The following XDH variants were observed in gnomAD, a reference collection of about 807,000 sequenced individuals.
XDH encodes the protein xanthine dehydrogenase, also known as xanthine dehydrogenase/oxidase.
A neutral mutation model predicts 156.1 loss-of-function variants in XDH; 138 were observed. The observed-to-expected ratio is 0.88, with a 90% CI of 0.77 to 1.02. The LOEUF (loss-of-function observed/expected upper bound fraction) is 1.02. Among genes scored for constraint, XDH ranks in the 50% least tolerant of loss-of-function variants. The pLI, the probability that XDH is intolerant of heterozygous loss-of-function variation, is 0.00. For missense variants in XDH, 1,849 were observed against 1,684.9 expected (o/e 1.10, Z -1.71); for synonymous variants, 669 against 625.7 (o/e 1.07, Z -1.03).
chr2:31,375,007 CTTTCTTTCTTTCTTTCTTT>C (rs1356477929), intron 15 of XDH, among the ~76,000 whole-genome samples: 2 of 108,950 alleles, frequency 1.8e-5, no homozygotes, highest in African/African-American at 9.9e-5. Context: ...TTCTTTCTTT[CTTTCTTTCTTTCTTTCTTT>C]TTTTTTTTTT....
chr2:31,349,788 A>C lies in XDH; in HGVS notation c.2867T>G (p.Phe956Cys). 6.2e-7 allele frequency: 1 copy of C among 1,614,112 alleles called. No homozygotes were observed. Among genetic ancestry groups the C allele is most frequent in the Non-Finnish European group, 8.5e-7 (1 of 1,180,026 alleles). Residue 956 changes from phenylalanine to cysteine, a missense_variant, in exon 26 of 36, where the codon TTC (phenylalanine) becomes TGC (cysteine). Coordinates refer to ENST00000379416, the MANE Select transcript of XDH (RefSeq NM_000379.4). ...GGTGAAACCCTCAAGCTTCTGGTTG[A>C]AGTGTGTCAGGTCCCCTTCTTTGTA... ...NLYKEGDLTHFNQKLEGFTLP... is the reference protein window; with the variant it reads ...NLYKEGDLTHCNQKLEGFTLP...
chr2:31,341,313 T>C lies in XDH; in HGVS notation c.3585+16A>G. Reference sequence around the variant, plus strand: ...GTGGCCAAGTCTGTCACCACCCTGGTCCCACTGAGCCTCACCTGTCCAATA... The same window carrying C: ...GTGGCCAAGTCTGTCACCACCCTGGCCCCACTGAGCCTCACCTGTCCAATA... On this transcript the variant is annotated intron_variant, in intron 33 of 35. Transcript: ENST00000379416. 6.4e-7 allele frequency: 1 copy of C among 1,561,846 alleles called. No homozygotes were observed. The highest frequency in any genetic ancestry group is 8.7e-7 in the Non-Finnish European group (1 of 1,151,084).
chr2:31,364,877 A>C (rs1018814360), intron 23 of XDH, among the ~76,000 whole-genome samples: 3 of 152,190 alleles, frequency 2.0e-5, no homozygotes, highest in Non-Finnish European at 4.4e-5. Context: ...ATTCATGGAG[A>C]GAGGGCTCTC....
intron 28 of XDH, among the ~76,000 whole-genome samples, 189 bp from the exon 29 acceptor site, chr2:31,347,839 TAA>T (rs1187642551): frequency 6.6e-6 from 1 of 152,224 alleles, no homozygotes; most frequent in Non-Finnish European, 1.5e-5. Context: ...TTCGGTTGGA[TAA>T]AAAATTCATA....
intron 29 of XDH, 26 bp downstream of exon 29, chr2:31,347,496 T>C: frequency 6.2e-7 from 1 of 1,612,950 alleles, no homozygotes; most frequent in Middle Eastern, 1.9e-4. Context: ...GGCCCTCTGC[T>C]CTGCGGGATC....
At chr2:31,404,865 G>C (rs1687153380) in intron 2 of XDH, among the ~76,000 whole-genome samples, 1 of 152,192 alleles carries the variant, frequency 6.6e-6, no homozygotes, top group African/African-American at 2.4e-5. Flanking sequence ...GAGCAAACCA[G>C]AGTGAAAGCA....
intron 29 of XDH, 96 bp downstream of exon 29, chr2:31,347,426 C>T: frequency 2.5e-6 from 4 of 1,580,290 alleles, no homozygotes; most frequent in Non-Finnish European, 3.5e-6. Context: ...GCCAAAGAGC[C>T]TGCAAGGAAC....
intron 25 of XDH, 25 bp from the exon 26 acceptor site, chr2:31,349,856 G>T (rs1176023142): frequency 2.5e-6 from 4 of 1,613,158 alleles, no homozygotes; most frequent in African/African-American, 1.3e-5. Context: ...AGACACAGAG[G>T]CCTTGTTGGC....
At chr2:31,362,074 CT>C (rs1685794264) in intron 24 of XDH, among the ~76,000 whole-genome samples, 1 of 151,662 alleles carries the variant, frequency 6.6e-6, no homozygotes, top group Non-Finnish European at 1.5e-5. Flanking sequence ...ATATATATAA[CT>C]GATCTTTACA....
chr2:31,366,212 G>A (rs549495323), intron 21 of XDH, 103 bp from the exon 22 acceptor site: 26 of 1,585,756 alleles, frequency 1.6e-5, no homozygotes, highest in African/African-American at 4.0e-5. Flanking sequence ...TTACTGCTGC[G>A]AATTCTGAAA....
chr2:31,367,598 G>T (rs1685953044), intron 20 of XDH, among the ~76,000 whole-genome samples: 1 of 152,174 alleles, frequency 6.6e-6, no homozygotes, highest in South Asian at 2.1e-4. Flanking sequence ...GCTAGTTGAA[G>T]ATGGGTAAGG....
At chr2:31,384,317 C>A in intron 9 of XDH, 1 of 181,672 alleles carries the variant, frequency 5.5e-6, no homozygotes, top group South Asian at 1.2e-4. Flanking sequence ...AAGTTTCTTG[C>A]CCAAATCACA....
intron 30 of XDH, among the ~76,000 whole-genome samples, chr2:31,346,310 T>C (rs1685290801): frequency 6.6e-6 from 1 of 152,174 alleles, no homozygotes; most frequent in Middle Eastern, 3.2e-3. Flanking sequence ...ACAGGAATGA[T>C]AGAAGTCCTT....
At chr2:31,346,126 G>A (rs1685282872) in intron 30 of XDH, among the ~76,000 whole-genome samples, 1 of 152,222 alleles carries the variant, frequency 6.6e-6, no homozygotes, top group South Asian at 2.1e-4. Flanking sequence ...TACTGGGGAA[G>A]GATGCAGAGC....
rs1460427522 is a variant in XDH at position 31,347,482 on chromosome 2, G to C, written c.3276+40C>G. On this transcript the variant is annotated intron_variant, in intron 29 of 35. Transcript: ENST00000379416. Reference sequence around the variant, plus strand: ...GAGACTCTCCAGGCCCACAGCTCTGGGCTGGCCCTCTGCTCTGCGGGATCC... The same window carrying C: ...GAGACTCTCCAGGCCCACAGCTCTGCGCTGGCCCTCTGCTCTGCGGGATCC... 1.9e-6 allele frequency: 3 copies of C among 1,612,442 alleles called. No homozygotes were observed. The South Asian group carries it at 3.3e-5, about 18-fold the overall frequency.
chr2:31,393,243 T>A (rs1453178869), intron 6 of XDH, among the ~76,000 whole-genome samples: 4 of 152,244 alleles, frequency 2.6e-5, no homozygotes, highest in Admixed American at 2.0e-4. Flanking sequence ...AGTCTTCACA[T>A]ATAATAATGG....
At chr2:31,344,571 A>T (rs886553194) in intron 31 of XDH, 113 bp downstream of exon 31, 1 of 1,194,394 alleles carries the variant, frequency 8.4e-7, no homozygotes, top group East Asian at 2.3e-5. Context: ...TTGAAGAGAT[A>T]AGTGGAGCTG....
intron 19 of XDH, 93 bp from the exon 20 acceptor site, chr2:31,368,150 G>A: frequency 8.7e-7 from 1 of 1,151,806 alleles, no homozygotes; most frequent in Non-Finnish European, 1.3e-6. Flanking sequence ...CTGAATTGTT[G>A]ACTCTCTCTT....
chr2:31,386,586 C>G, intron 8 of XDH, 31 bp from the exon 9 acceptor site: 1 of 1,613,928 alleles, frequency 6.2e-7, no homozygotes, highest in Non-Finnish European at 8.5e-7. Flanking sequence ...ACTACACTGT[C>G]TCCCTCTTCC....
Sources: allele counts gnomAD v4.1 joint callset (sites outside exome capture counted in the v4.1 genomes callset), GRCh38; gene constraint gnomAD v4.1.1; transcripts MANE v1.5; gene names NCBI Gene and HGNC (gene_info 2026-07-23, HGNC 2026-07-21).